The following FRS2 variants were observed in gnomAD, a reference collection of about 807,000 sequenced individuals.
FRS2 encodes FGFR signalling adaptor.
A neutral mutation model predicts 43.9 loss-of-function variants in FRS2; 8 were observed. That is an observed-to-expected ratio of 0.18 (90% CI 0.11 to 0.33). The LOEUF is 0.33. FRS2 is among the 10% of genes least tolerant of loss of function. The probability of loss-of-function intolerance (pLI) is 1.00; values close to 1 mark genes in which losing one functional copy is unlikely to be tolerated. For synonymous variants in FRS2, 219 were observed against 220.3 expected (o/e 0.99, Z 0.05); for missense variants, 534 against 627.6 (o/e 0.85, Z 1.59).
At chr12:69,516,585 G>A (rs1397711932) in intron 1 of FRS2, among the ~76,000 whole-genome samples, 5 of 152,172 alleles carry the variant, frequency 3.3e-5, no homozygotes, top group African/African-American at 1.2e-4. Flanking sequence ...TGGGCTGGGT[G>A]CTAGAGATGT....
intron 4 of FRS2, among the ~76,000 whole-genome samples, chr12:69,564,511 T>C (rs906571220): frequency 2.0e-5 from 3 of 152,140 alleles, no homozygotes; most frequent in African/African-American, 7.2e-5. Flanking sequence ...AAGACTACAG[T>C]TTTTTGTATC....
chr12:69,535,011 G>A (rs1470409621), intron 3 of FRS2, among the ~76,000 whole-genome samples: 2 of 152,074 alleles, frequency 1.3e-5, no homozygotes, highest in East Asian at 3.8e-4. Flanking sequence ...TAAATGATGT[G>A]TTCCTTGTAA....
intron 1 of FRS2, among the ~76,000 whole-genome samples, chr12:69,489,163 G>A (rs892321516): frequency 1.6e-4 from 24 of 152,258 alleles, no homozygotes; most frequent in South Asian, 6.2e-4. Flanking sequence ...TTCAAATACA[G>A]CATGTACTCT....
chr12:69,529,884 TC>T (rs761973130), intron 1 of FRS2, among the ~76,000 whole-genome samples: 3 of 151,598 alleles, frequency 2.0e-5, no homozygotes, highest in Non-Finnish European at 4.4e-5. Context: ...ACATGGTGAA[TC>T]CCTGTCTCTA....
intron 3 of FRS2, among the ~76,000 whole-genome samples, chr12:69,544,951 G>A (rs942077701): frequency 1.3e-5 from 2 of 152,080 alleles, no homozygotes; most frequent in African/African-American, 2.4e-5. Flanking sequence ...AAGTAAAGTG[G>A]TCTCTGTTTA....
intron 1 of FRS2, among the ~76,000 whole-genome samples, chr12:69,500,070 T>C (rs1175928132): frequency 6.6e-6 from 1 of 152,190 alleles, no homozygotes; most frequent in African/African-American, 2.4e-5. Flanking sequence ...AGAAATTTTA[T>C]ATTGGTACCG....
chr12:69,544,488 C>G (rs1049157765), intron 3 of FRS2, among the ~76,000 whole-genome samples: 2 of 152,132 alleles, frequency 1.3e-5, no homozygotes, highest in Non-Finnish European at 2.9e-5. Context: ...GGGTGAGTCA[C>G]TTGAGATCAG....
At chr12:69,560,914 C>A (rs1879822110) in intron 3 of FRS2, among the ~76,000 whole-genome samples, 1 of 152,094 alleles carries the variant, frequency 6.6e-6, no homozygotes, top group Admixed American at 6.6e-5. Flanking sequence ...AGGTAGATCA[C>A]TATCATTTCT....
At chr12:69,500,749 T>A (rs956907732) in intron 1 of FRS2, among the ~76,000 whole-genome samples, 7 of 152,162 alleles carry the variant, frequency 4.6e-5, no homozygotes, top group Admixed American at 4.6e-4. Context: ...TTTGAGGGAA[T>A]GTGATTATAT....
chr12:69,496,662 T>TG (rs1872927067), intron 1 of FRS2, among the ~76,000 whole-genome samples: 1 of 152,246 alleles, frequency 6.6e-6, no homozygotes, highest in Non-Finnish European at 1.5e-5. Flanking sequence ...AACTTGCAGT[T>TG]GTATTAGTAG....
At chr12:69,528,400 T>C (rs1184096318) in intron 1 of FRS2, among the ~76,000 whole-genome samples, 1 of 152,134 alleles carries the variant, frequency 6.6e-6, no homozygotes, top group East Asian at 1.9e-4. Context: ...TATAATATAA[T>C]CCCAAACAGA....
At chr12:69,519,753 G>C (rs905987821) in intron 1 of FRS2, among the ~76,000 whole-genome samples, 2 of 152,170 alleles carry the variant, frequency 1.3e-5, no homozygotes, top group Non-Finnish European at 2.9e-5. Flanking sequence ...TCTTTTTTAT[G>C]ACAGTTTAGT....
At chr12:69,547,268 C>A (rs1184230246) in intron 3 of FRS2, among the ~76,000 whole-genome samples, 2 of 152,030 alleles carry the variant, frequency 1.3e-5, no homozygotes, top group East Asian at 3.9e-4. Flanking sequence ...GAAAAGAAGC[C>A]TAGGCAACAT....
chr12:69,572,951 C>A lies in FRS2; in HGVS notation c.576+670C>A, dbSNP rs553538855. ...GTTCAAGCAGCTCTCCTGCCTCAGC[C>A]TCCCAGGTAGCTGGGATTACAGGCG... On this transcript the variant is annotated intron_variant, in intron 8 of 8. Coordinates refer to ENST00000549921, the MANE Select transcript of FRS2 (RefSeq NM_001278356.2). Among the ~76,000 whole-genome samples the A allele has an allele frequency of 2.0e-5, 3 of 152,314 alleles. 1 individual carries two copies. The South Asian group carries it at 6.2e-4, about 32-fold the overall frequency.
At chr12:69,512,298 CAG>C (rs1253933660) in intron 1 of FRS2, among the ~76,000 whole-genome samples, 2 of 152,122 alleles carry the variant, frequency 1.3e-5, no homozygotes, top group African/African-American at 4.8e-5. Context: ...CTCTTTATAA[CAG>C]GGTAGTAATT....
At chr12:69,532,085 C>T (rs1876856287) in intron 3 of FRS2, 29 bp downstream of exon 3, 1 of 152,420 alleles carries the variant, frequency 6.6e-6, no homozygotes, top group African/African-American at 2.4e-5. Context: ...AGTAATAAAA[C>T]TAATATTGTT....
chr12:69,502,241 C>T (rs1873520891), intron 1 of FRS2, among the ~76,000 whole-genome samples: 1 of 151,972 alleles, frequency 6.6e-6, no homozygotes, highest in African/African-American at 2.4e-5. Context: ...GCTGGTATTA[C>T]AGGTGTGAAC....
rs148079757 is a variant in FRS2 at position 69,515,963 on chromosome 12, A to T, written c.-260-14902A>T. ...GAACTGTTATTTAACCCCGGGAAATATCCAGCTTGGTTTGGGCAAGAGGAA... is the reference window on the plus strand; with the variant it reads ...GAACTGTTATTTAACCCCGGGAAATTTCCAGCTTGGTTTGGGCAAGAGGAA... On this transcript the variant is annotated intron_variant, in intron 1 of 8. Coordinates refer to ENST00000549921, the MANE Select transcript of FRS2 (RefSeq NM_001278356.2). Among the ~76,000 whole-genome samples the T allele has an allele frequency of 1.3e-3, 202 of 150,772 alleles. 1 individual carries two copies. Among genetic ancestry groups the T allele is most frequent in the African/African-American group, 4.9e-3 (199 of 40,938 alleles).
intron 1 of FRS2, among the ~76,000 whole-genome samples, chr12:69,505,120 A>G (rs911241171): frequency 1.3e-5 from 2 of 152,190 alleles, no homozygotes; most frequent in Admixed American, 6.5e-5. Flanking sequence ...TGGCCTCCCA[A>G]AGTGCTGGGA....
Sources: allele counts gnomAD v4.1 joint callset (sites outside exome capture counted in the v4.1 genomes callset), GRCh38; gene constraint gnomAD v4.1.1; transcripts MANE v1.5; gene names NCBI Gene and HGNC (gene_info 2026-07-23, HGNC 2026-07-21).